The following HERC4 variants were observed in gnomAD, a reference collection of about 807,000 sequenced individuals.
HERC4 encodes probable E3 ubiquitin-protein ligase HERC4.
In HERC4, 28 loss-of-function variants were observed where a neutral mutation model predicts 124.3. That is an observed-to-expected ratio of 0.23 (90% CI 0.17 to 0.31). The LOEUF (loss-of-function observed/expected upper bound fraction) is 0.31, where lower values mean the gene tolerates loss of function less well. Ranked by LOEUF, HERC4 falls within the 10% of genes least tolerant of loss-of-function variation. The pLI, the probability that HERC4 is intolerant of heterozygous loss-of-function variation, is 1.00. For missense variants in HERC4, 713 were observed against 1,229.3 expected (o/e 0.58, Z 6.28); for synonymous variants, 407 against 421.5 (o/e 0.97, Z 0.42).
rs2046187951 is a variant in HERC4 at position 67,992,388 on chromosome 10, T to C, written c.1147-65A>G. On this transcript the variant is annotated intron_variant, in intron 10 of 24. Transcript: ENST00000373700. ...TATATATAACTCAAAAACCAAGAAA[T>C]TCCCACCATATATTTGTTCTTTAAA... 5.8e-6 allele frequency: 9 copies of C among 1,555,842 alleles called. No individual in the cohort carries two copies. The Admixed American group carries it at 1.5e-4, about 26-fold the overall frequency.
intron 17 of HERC4, chr10:67,956,160 T>A (rs543307994): frequency 3.8e-4 from 58 of 152,344 alleles, no homozygotes; most frequent in African/African-American, 1.3e-3. Flanking sequence ...TTTCTTTTCA[T>A]CCTTTCCTTA....
At chr10:67,934,498 T>C (rs1424193531) in intron 22 of HERC4, among the ~76,000 whole-genome samples, 1 of 152,176 alleles carries the variant, frequency 6.6e-6, no homozygotes, top group East Asian at 1.9e-4. Context: ...ATCCTGGTGG[T>C]GGTGGTGGTT....
chr10:67,942,088 AT>A (rs527990644), intron 19 of HERC4, among the ~76,000 whole-genome samples: 1 of 152,284 alleles, frequency 6.6e-6, no homozygotes, highest in South Asian at 2.1e-4. Flanking sequence ...GAAAATGTTT[AT>A]TTTTTTCCCT....
rs1283212230 is a variant in HERC4, at chr10:68,059,700, ATATTATATATCATAATATTATATAT to A, written c.226+13158_226+13182del. ...ATATATCATAATATTATATATTATA[ATATTATATATCATAATATTATATAT>A]TATATATCATAATATTATATATTAT... On this transcript the variant is annotated intron_variant, in intron 3 of 24. Transcript: ENST00000373700. Among the ~76,000 whole-genome samples, 176 of 53,834 alleles carry A rather than the reference ATATTATATATCATAATATTATATAT, an allele frequency of 3.3e-3. 8 individuals carry two copies. The highest frequency in any genetic ancestry group is 4.7e-3 in the South Asian group (8 of 1,688). The allele number at this position is 53,834 out of a possible 152,430, so 35.3% of individuals were successfully genotyped here.
chr10:67,926,969 A>ATCCGG (rs1413210849), intron 23 of HERC4, among the ~76,000 whole-genome samples: 4 of 152,208 alleles, frequency 2.6e-5, no homozygotes, highest in Non-Finnish European at 5.9e-5. Context: ...GCTGTACATT[A>ATCCGG]TCCGGCACAC....
chr10:67,981,036 G>T (rs1211021481), intron 15 of HERC4, among the ~76,000 whole-genome samples: 1 of 151,416 alleles, frequency 6.6e-6, no homozygotes, highest in African/African-American at 2.5e-5. Context: ...AATAGGAGGA[G>T]TGTGTCCTTA....
chr10:68,070,798 A>ACC (rs148901885), intron 3 of HERC4, among the ~76,000 whole-genome samples: 7 of 149,344 alleles, frequency 4.7e-5, no homozygotes, highest in Admixed American at 6.7e-5. Context: ...CAGGATCAGG[A>ACC]CCCCCCCCTT....
At chr10:68,022,937 C>T (rs1019817285) in intron 8 of HERC4, among the ~76,000 whole-genome samples, 3 of 151,530 alleles carry the variant, frequency 2.0e-5, no homozygotes, top group Non-Finnish European at 4.4e-5. Context: ...GCTCAGCTCA[C>T]TAATCATTGG....
At chr10:68,021,665 G>A (rs761575321) in intron 8 of HERC4, among the ~76,000 whole-genome samples, 13 of 152,092 alleles carry the variant, frequency 8.5e-5, no homozygotes, top group East Asian at 1.9e-4. Context: ...AAAATTAGTC[G>A]GGTGTGGTGG....
chr10:67,963,692 T>A (rs1439772323), intron 16 of HERC4, among the ~76,000 whole-genome samples: 2 of 152,186 alleles, frequency 1.3e-5, no homozygotes, highest in Non-Finnish European at 2.9e-5. Context: ...ATGTTCTGAA[T>A]CCTTTCAAAA....
chr10:68,066,141 T>C (rs768444945), intron 3 of HERC4, among the ~76,000 whole-genome samples: 15 of 152,210 alleles, frequency 9.9e-5, no homozygotes, highest in Non-Finnish European at 1.9e-4. Flanking sequence ...GATTCTTTCA[T>C]ACATATCCCA....
At chr10:67,940,306 G>C (rs1025360292) in intron 20 of HERC4, among the ~76,000 whole-genome samples, 6 of 152,090 alleles carry the variant, frequency 3.9e-5, no homozygotes, top group African/African-American at 1.2e-4. Flanking sequence ...TAGGAATGAA[G>C]GTTATCAGAA....
chr10:67,994,201 A>G (rs1007311464), intron 9 of HERC4: 1 of 152,202 alleles, frequency 6.6e-6, no homozygotes, highest in African/African-American at 2.4e-5. Context: ...AAATAAGCCA[A>G]TTATTCAACC....
intron 17 of HERC4, 169 bp from the exon 18 acceptor site, chr10:67,955,299 C>G: frequency 3.6e-6 from 2 of 556,542 alleles, no homozygotes; most frequent in Non-Finnish European, 6.1e-6. Context: ...ATAAACTGAG[C>G]ATAAAGAGTA....
At chr10:68,068,225 C>T (rs896813148) in intron 3 of HERC4, 1 of 152,066 alleles carries the variant, frequency 6.6e-6, no homozygotes, top group Admixed American at 6.6e-5. Flanking sequence ...TGGCTCATGC[C>T]TGTAATCCCA....
At chr10:67,948,554 G>C (rs2033560040) in intron 19 of HERC4, among the ~76,000 whole-genome samples, 1 of 152,154 alleles carries the variant, frequency 6.6e-6, no homozygotes, top group Non-Finnish European at 1.5e-5. Context: ...GGTGAAAAGG[G>C]AACACTCTAC....
chr10:68,044,376 A>C, intron 4 of HERC4, 28 bp downstream of exon 4: 1 of 1,588,800 alleles, frequency 6.3e-7, no homozygotes, highest in Non-Finnish European at 8.5e-7. Flanking sequence ...AAGATTGTTA[A>C]GGACCTCTTT....
chr10:67,948,343 A>C (rs1363809577), intron 19 of HERC4, among the ~76,000 whole-genome samples: 1 of 152,090 alleles, frequency 6.6e-6, no homozygotes, highest in African/African-American at 2.4e-5. Flanking sequence ...AAACAATCCC[A>C]TCAAAAAGTG....
intron 21 of HERC4, among the ~76,000 whole-genome samples, chr10:67,937,760 A>G (rs1275701597): frequency 6.7e-6 from 1 of 150,246 alleles, no homozygotes; most frequent in Non-Finnish European, 1.5e-5. Context: ...AGCTCACTGC[A>G]ACCTCCACCT....
Sources: gnomAD v4.1 joint callset for allele counts (sites outside exome capture counted in the v4.1 genomes callset) on GRCh38, gnomAD v4.1.1 for gene constraint, MANE v1.5 for transcripts, NCBI Gene and HGNC (gene_info 2026-07-23, HGNC 2026-07-21) for gene names.